The following PPP4C variants were observed in gnomAD, a reference collection of about 807,000 sequenced individuals.
The protein encoded by PPP4C is serine/threonine-protein phosphatase 4 catalytic subunit.
Under a neutral mutation model 40.5 loss-of-function variants are expected in PPP4C, and 10 were observed. The ratio of observed to expected loss-of-function variants is 0.25; its 90% CI spans 0.15 to 0.42. The LOEUF is 0.42. Among genes scored for constraint, PPP4C ranks in the 10% least tolerant of loss-of-function variants. The probability of loss-of-function intolerance (pLI) is 1.00; values close to 1 mark genes in which losing one functional copy is unlikely to be tolerated. For synonymous variants in PPP4C, 187 were observed against 163.6 expected, an observed-to-expected ratio of 1.14 and a Z score of -1.09; for missense variants, 191 against 416.4, an observed-to-expected ratio of 0.46 and a Z score of 4.71.
At chr16:30,084,037 GA>G (rs2072562969) in intron 7 of PPP4C, among the ~76,000 whole-genome samples, 1 of 152,234 alleles carries the variant, frequency 6.6e-6, no homozygotes, top group Non-Finnish European at 1.5e-5. Context: ...AGCTTCTTCA[GA>G]GGTCAGAACC....
At chr16:30,082,963 G>A (rs2072539798) in intron 5 of PPP4C, 116 bp downstream of exon 5, 1 of 893,138 alleles carries the variant, frequency 1.1e-6, no homozygotes, top group Non-Finnish European at 1.7e-6. Flanking sequence ...CTGTGTCACT[G>A]GTGATGGACC....
chr16:30,078,786 C>G (rs535426957), intron 2 of PPP4C, among the ~76,000 whole-genome samples: 1 of 152,370 alleles, frequency 6.6e-6, no homozygotes, highest in African/African-American at 2.4e-5. Context: ...GCCTTGTCAC[C>G]TAGAAGCAAT....
In PPP4C at chr16:30,081,283, C is replaced by G; in HGVS notation, c.123C>G (p.Asn41Lys). ...KAREILVEES[N>K]VQRVDSPVTV... is the part of the protein sequence containing the mutation. ...GAGAGATCTTGGTAGAGGAGAGCAA[C>G]GTGCAGAGGGTGGACTCGCCAGTCA... Residue 41 changes from asparagine (N) to lysine (K), a missense_variant, in exon 3 of 9, where the codon AAC (asparagine) becomes AAG (lysine). By Grantham distance (94) the Asn-to-Lys change is moderately conservative (BLOSUM62 0). Transcript: ENST00000279387. The G allele has an allele frequency of 6.2e-7, 1 of 1,613,812 alleles. No individual in the cohort carries two copies. Among genetic ancestry groups the G allele is most frequent in the Non-Finnish European group, 8.5e-7 (1 of 1,179,912 alleles).
rs1450137180 is a variant in PPP4C at position 30,083,576 on chromosome 16, G to T, written c.477+9G>T. 50 of 1,613,872 alleles carry T rather than the reference G, an allele frequency of 3.1e-5. No homozygotes were observed. Among genetic ancestry groups the T allele is most frequent in the Non-Finnish European group, 4.2e-5 (49 of 1,179,920 alleles). On this transcript the variant is annotated intron_variant, in intron 6 of 8. Coordinates refer to ENST00000279387, the MANE Select transcript of PPP4C (RefSeq NM_002720.3). This position sits in a 1 kb window ranked among gnomAD's most constrained non-coding sequence, Gnocchi z 6.3. ...CCATCATCGATGGCAAGGTAAGCCA[G>T]CCCAGGGCTCCATGGGACAGGGAGA...
At position 30,085,195 on chromosome 16, in the gene PPP4C, G is replaced by C; in HGVS notation, c.*133G>C. The C allele has an allele frequency of 8.5e-7, 1 of 1,169,726 alleles. No homozygotes were observed. The highest frequency in any genetic ancestry group is 1.2e-6 in the Non-Finnish European group (1 of 826,728). The allele number at this position is 1,169,726 out of a possible 1,614,324, so 72.5% of individuals were successfully genotyped here. A position where few individuals can be genotyped will look rare whatever the true frequency, so the allele number is the denominator to read the frequency against. On this transcript the variant is annotated 3_prime_UTR_variant, in exon 9 of 9. Coordinates refer to ENST00000279387, the MANE Select transcript of PPP4C (RefSeq NM_002720.3). ...CTGTCCCCCAAGAGGGTGCTTCGAG[G>C]GTGAGGACTTCTCTGGAGAGGCCTG...
chr16:30,078,233 G>C (rs1440001863), intron 2 of PPP4C, among the ~76,000 whole-genome samples: 1 of 152,168 alleles, frequency 6.6e-6, no homozygotes, highest in Non-Finnish European at 1.5e-5. Flanking sequence ...ACAGCCTAAG[G>C]AATACGCAGG....
At chr16:30,081,878 C>G (rs1225176216) in intron 3 of PPP4C, among the ~76,000 whole-genome samples, 1 of 151,826 alleles carries the variant, frequency 6.6e-6, no homozygotes, top group African/African-American at 2.4e-5. Context: ...CATGGTGAAA[C>G]CCCATCTCTA....
At chr16:30,081,537 G>T in intron 3 of PPP4C, 1 of 414,384 alleles carries the variant, frequency 2.4e-6, no homozygotes, top group Non-Finnish European at 4.5e-6. Flanking sequence ...TTGAGGTTAG[G>T]AGTTCGAGAC....
rs2072535785 is a variant in PPP4C at position 30,082,766 on chromosome 16, G to A, written c.222G>A (p.Glu74=). ...CACAGGTAGGTGGCGACGTCCCTGA[G>A]ACCAACTACCTCTTCATGGGGGACT... The part of the protein sequence containing the change: ...ELFRVGGDVP[E]TNYLFMGDFV... The change falls in exon 5 of 9, where the codon GAG becomes GAA. Residue 74 remains glutamate, a synonymous_variant. Coordinates refer to ENST00000279387, the MANE Select transcript of PPP4C (RefSeq NM_002720.3). The A allele has an allele frequency of 6.2e-7, 1 of 1,614,042 alleles. No homozygotes were observed. The highest frequency in any genetic ancestry group is 1.3e-5 in the African/African-American group (1 of 75,014).
Position 30,083,913 on chromosome 16 carries a change from G to A in PPP4C, c.604+132G>A. 7.3e-7 allele frequency: 1 copy of A among 1,375,366 alleles called. No individual in the cohort carries two copies. Among genetic ancestry groups the A allele is most frequent in the Non-Finnish European group, 9.9e-7 (1 of 1,007,228 alleles). 85.2% of individuals were successfully genotyped at this position (1,375,366 alleles called of 1,614,324 possible). On this transcript the variant is annotated intron_variant, in intron 7 of 8. Coordinates refer to ENST00000279387, the MANE Select transcript of PPP4C (RefSeq NM_002720.3). The surrounding 1 kb of genome is among the most constrained non-coding windows in gnomAD (Gnocchi z 6.3). ...TGGAACCCTGGAGGAGGAGCAGGGA[G>A]GCCTGCATGGCAGGTGCTTTGAGCA...
chr16:30,083,853 C>A lies in PPP4C; in HGVS notation c.604+72C>A. 1 of 1,584,054 alleles carries A rather than the reference C, an allele frequency of 6.3e-7. No individual in the cohort carries two copies. Among genetic ancestry groups the A allele is most frequent in the South Asian group, 1.1e-5 (1 of 89,922 alleles). On this transcript the variant is annotated intron_variant, in intron 7 of 8. Transcript: ENST00000279387. The surrounding 1 kb of genome is among the most constrained non-coding windows in gnomAD (Gnocchi z 6.3). ...GGGAAAGAGAGGGAGCAGGGCTGGT[C>A]TTCACTGTCACTCGTCCTCCACCTG...
chr16:30,084,011 C>A (rs1004322221), intron 7 of PPP4C, among the ~76,000 whole-genome samples: 1 of 152,202 alleles, frequency 6.6e-6, no homozygotes, highest in Admixed American at 6.5e-5. Flanking sequence ...GTGAAGGGGC[C>A]TTAGAACATG....
chr16:30,082,799 C>T lies in PPP4C; in HGVS notation c.255C>T (p.Asp85=), dbSNP rs2072536163. The T allele has an allele frequency of 3.1e-6, 5 of 1,614,142 alleles. No homozygotes were observed. Among genetic ancestry groups the T allele is most frequent in the Middle Eastern group, 3.3e-4 (2 of 6,060 alleles). Residue 85 remains aspartate (D), a synonymous_variant, in exon 5 of 9, where the codon GAC becomes GAT. Transcript: ENST00000279387. ...TNYLFMGDFV[D]RGFYSVETFL... is the part of the protein sequence containing the mutation. ...ACCTCTTCATGGGGGACTTTGTGGA[C>T]CGTGGCTTCTATAGCGTCGAAACGT... is the stretch of plus-strand genomic sequence containing the variant.
chr16:30,084,461 G>A (rs963515884), intron 7 of PPP4C, among the ~76,000 whole-genome samples: 5 of 152,246 alleles, frequency 3.3e-5, no homozygotes, highest in African/African-American at 1.2e-4. Context: ...GGCATTGGGC[G>A]TTCTTTCTCC....
At position 30,084,712 on chromosome 16, in the gene PPP4C, T is replaced by C. The variant is rs757614225; in HGVS notation, c.651T>C (p.Phe217=). ...GCCCCCGAGGAGCCGGCTACCTATT[T>C]GGCAGTGACGTGGTGGCCCAGTTCA... ...GVSPRGAGYL[F]GSDVVAQFNA... Residue 217 remains phenylalanine, a synonymous_variant, in exon 8 of 9, where the codon TTT becomes TTC. Transcript: ENST00000279387. 28 of 1,614,266 alleles carry C rather than the reference T, an allele frequency of 1.7e-5. No individual in the cohort carries two copies. The South Asian group carries it at 2.9e-4, about 16-fold the overall frequency.
At chr16:30,080,653 C>T (rs866993472) in intron 2 of PPP4C, among the ~76,000 whole-genome samples, 10 of 151,894 alleles carry the variant, frequency 6.6e-5, no homozygotes, top group South Asian at 2.1e-4. Context: ...ATTACAGGCA[C>T]GCGCCACCAC....
chr16:30,083,555 C>T lies in PPP4C; in HGVS notation c.465C>T (p.Ile155=), dbSNP rs764009886. Residue 155 remains isoleucine, a synonymous_variant, in exon 6 of 9, where the codon ATC becomes ATT. Coordinates refer to ENST00000279387, the MANE Select transcript of PPP4C (RefSeq NM_002720.3). This position sits in a 1 kb window ranked among gnomAD's most constrained non-coding sequence, Gnocchi z 6.3. ...EIFDYLSLSA[I]IDGKIFCVHG... is the part of the protein sequence containing the mutation. The stretch of plus-strand genomic sequence containing the variant: ...TTGACTACCTCAGCCTGTCAGCCAT[C>T]ATCGATGGCAAGGTAAGCCAGCCCA... The T allele has an allele frequency of 6.2e-7, 1 of 1,614,118 alleles. No homozygotes were observed. Among genetic ancestry groups the T allele is most frequent in the Non-Finnish European group, 8.5e-7 (1 of 1,179,992 alleles).
chr16:30,083,244 T>G lies in PPP4C; in HGVS notation c.304-150T>G. ...GGAGGGGTCGTGTGGGCCTGGGAGGTGGCTGATGCCACACGATTCAGGCAA... is the reference window on the plus strand; with the variant it reads ...GGAGGGGTCGTGTGGGCCTGGGAGGGGGCTGATGCCACACGATTCAGGCAA... On this transcript the variant is annotated intron_variant, in intron 5 of 8. Coordinates refer to ENST00000279387, the MANE Select transcript of PPP4C (RefSeq NM_002720.3). The surrounding 1 kb of genome is among the most constrained non-coding windows in gnomAD (Gnocchi z 6.3). The G allele has an allele frequency of 1.1e-6, 1 of 872,282 alleles. No individual in the cohort carries two copies. The highest frequency in any genetic ancestry group is 1.8e-6 in the Non-Finnish European group (1 of 557,088). 54.0% of individuals were successfully genotyped at this position (872,282 alleles called of 1,614,324 possible).
chr16:30,083,715 A>G lies in PPP4C; in HGVS notation c.538A>G (p.Ile180Val). ...SIQTLDQIRT[I>V]DRKQEVPHDG... The stretch of plus-strand genomic sequence containing the variant: ...CCAGACCCTGGATCAGATTCGGACA[A>G]TCGACCGAAAGCAAGAGGTGCCTCA... Residue 180 changes from isoleucine (I) to valine (V), a missense_variant, in exon 7 of 9, where the codon ATC becomes GTC. Ile to Val is a conservative substitution (Grantham distance 29). This residue lies in a region of PPP4C where 171 missense variants were observed against 352.4 expected (regional missense o/e 0.49). Transcript: ENST00000279387. This position sits in a 1 kb window ranked among gnomAD's most constrained non-coding sequence, Gnocchi z 6.3. The G allele has an allele frequency of 6.2e-7, 1 of 1,614,148 alleles. No homozygotes were observed. The highest frequency in any genetic ancestry group is 1.1e-5 in the South Asian group (1 of 91,088).
Sources: allele counts gnomAD v4.1 joint callset (sites outside exome capture counted in the v4.1 genomes callset), GRCh38; gene constraint gnomAD v4.1.1; regional missense constraint gnomAD v4.1.1; non-coding constraint Gnocchi (gnomAD v3.1); transcripts MANE v1.5; gene names NCBI Gene and HGNC (gene_info 2026-07-23, HGNC 2026-07-21).